Variants in FBXO38 observed in about 807,000 individuals in gnomAD.
FBXO38 encodes the protein F-box protein 38.
FBXO38 carries 53 observed loss-of-function variants against 131.9 expected under a neutral mutation model. The observed-to-expected ratio is 0.40, with a 90% CI of 0.32 to 0.51. The LOEUF (loss-of-function observed/expected upper bound fraction) is 0.51, where lower values mean the gene tolerates loss of function less well. Among genes scored for constraint, FBXO38 ranks in the 20% least tolerant of loss-of-function variants. FBXO38 has a pLI of 0.53. For missense variants in FBXO38, 1,076 were observed against 1,475.6 expected (o/e 0.73, Z 4.44); for synonymous variants, 452 against 505.6 (o/e 0.89, Z 1.42).
At position 148,393,188 on chromosome 5, in the gene FBXO38, G is replaced by GGGT. The variant is rs1420907423; in HGVS notation, c.-63-1525_-63-1524insGTG. Among the ~76,000 whole-genome samples the GGGT allele has an allele frequency of 4.6e-4, 59 of 127,082 alleles. 1 individual carries two copies. Among genetic ancestry groups the GGGT allele is most frequent in the African/African-American group, 1.8e-3 (59 of 32,840 alleles). 83.4% of individuals were successfully genotyped at this position (127,082 alleles called of 152,430 possible). On this transcript the variant is annotated intron_variant, in intron 1 of 21. Coordinates refer to ENST00000340253, the MANE Select transcript of FBXO38 (RefSeq NM_205836.3). ...TACTGGTTAGAAACAACAGAAGAGG[G>GGGT]GTGTGTGTGTGTGTGTGTGTGTGTG...
chr5:148,393,545 C>G (rs1166546898), intron 1 of FBXO38, among the ~76,000 whole-genome samples: 2 of 152,042 alleles, frequency 1.3e-5, no homozygotes, highest in Admixed American at 6.6e-5. Context: ...TGACTCAGGC[C>G]CCTTTGTTAT....
Position 148,409,205 on chromosome 5 carries a change from C to A in FBXO38, c.950C>A (p.Thr317Asn). The A allele has an allele frequency of 6.3e-7, 1 of 1,598,336 alleles. No individual in the cohort carries two copies. The highest frequency in any genetic ancestry group is 8.6e-7 in the Non-Finnish European group (1 of 1,165,720). ...LEVDLGYLII[T>N]AARRLHEVRI... ...GTAGATCTTGGTTACCTCATCATTA[C>A]TGCTGCCCGTAGGTATGTTTCCTCT... The change falls in exon 8 of 22, where the codon ACT becomes AAT. Residue 317 changes from threonine (T) to asparagine (N), a missense_variant. Physicochemically the swap from Thr to Asn is moderately conservative, Grantham distance 65. Coordinates refer to ENST00000340253, the MANE Select transcript of FBXO38 (RefSeq NM_205836.3).
chr5:148,391,920 A>G (rs1045232267), intron 1 of FBXO38, among the ~76,000 whole-genome samples: 9 of 152,090 alleles, frequency 5.9e-5, no homozygotes, highest in African/African-American at 2.2e-4. Flanking sequence ...TGTCTTTTTT[A>G]TCATACTTTT....
At chr5:148,433,296 T>C (rs190936288) in intron 15 of FBXO38, 128 bp from the exon 16 acceptor site, 121 of 648,206 alleles carry the variant, frequency 1.9e-4, no homozygotes, top group Non-Finnish European at 3.2e-4. Flanking sequence ...TGTAACTGTA[T>C]TCCACTGGGA....
In FBXO38 at chr5:148,404,790, G is replaced by A. The variant is rs1752346814; in HGVS notation, c.698G>A (p.Ser233Asn). The A allele has an allele frequency of 1.9e-6, 3 of 1,606,850 alleles. No individual in the cohort carries two copies. In the African/African-American group the frequency reaches 4.0e-5, roughly 22 times the overall value. Reference protein sequence around the residue: ...PQPFKDFLCISLRTFVMRNCA... With the variant: ...PQPFKDFLCINLRTFVMRNCA... ...CCATTTAAAGACTTCCTTTGTATCA[G>A]CTTAAGAACTTTCGTCATGAGGAAC... Residue 233 changes from serine to asparagine, a missense_variant, in exon 6 of 22, where the codon AGC becomes AAC. Around this residue, in one of 8 missense-constraint regions of FBXO38, gnomAD observed 66 missense variants for 72.4 expected, o/e 0.91. Transcript: ENST00000340253.
At position 148,399,112 on chromosome 5, in the gene FBXO38, G is replaced by A; in HGVS notation, c.242G>A (p.Trp81Ter). ...VRVVDLCAGR[W>*]WEYMPSGFTD... The stretch of plus-strand genomic sequence containing the variant: ...GTTGTAGATCTCTGTGCAGGGCGGT[G>A]GTGGGAATACATGCCAAGTGGTAAG... The change falls in exon 3 of 22, where the codon TGG becomes TAG. Residue 81 changes from tryptophan (W) to a stop codon, truncating the protein, a stop_gained. Transcript: ENST00000340253. LOFTEE classifies it high-confidence loss of function. The A allele has an allele frequency of 6.2e-7, 1 of 1,612,108 alleles. No individual in the cohort carries two copies.
rs1752604790 is a variant in FBXO38, at chr5:148,409,161, T to G, written c.906T>G (p.Ala302=). 1 of 1,613,402 alleles carries G rather than the reference T, an allele frequency of 6.2e-7. No homozygotes were observed. ...FRNLHTIVLG[A]CKNALEVDLG... ...ATTTGCACACTATTGTTCTGGGAGC[T>G]TGCAAAAATGCTCTTGAAGTAGATC... The change falls in exon 8 of 22, where the codon GCT becomes GCG. Residue 302 remains alanine (A), a synonymous_variant. Transcript: ENST00000340253.
At chr5:148,412,577 A>G (rs189323212) in intron 9 of FBXO38, among the ~76,000 whole-genome samples, 2 of 152,228 alleles carry the variant, frequency 1.3e-5, no homozygotes, top group East Asian at 1.9e-4. Context: ...ACTGATAGAG[A>G]CGTATAACTC....
chr5:148,436,967 T>C (rs1322803077), intron 17 of FBXO38, among the ~76,000 whole-genome samples: 2 of 152,244 alleles, frequency 1.3e-5, no homozygotes, highest in African/African-American at 4.8e-5. Context: ...GGAAGAACTT[T>C]CATTCTGTCA....
In FBXO38 at chr5:148,439,423, A is replaced by G. The variant is rs1265209619; in HGVS notation, c.3025-224A>G. ...ATTCTCTGGTTTAGTAGGCATTTAA[A>G]TATAACAGTGAGATATAAATTGCCA... On this transcript the variant is annotated intron_variant, in intron 18 of 21. Coordinates refer to ENST00000340253, the MANE Select transcript of FBXO38 (RefSeq NM_205836.3). Among the ~76,000 whole-genome samples the G allele has an allele frequency of 3.9e-5, 6 of 152,330 alleles. No homozygotes were observed. In the South Asian group the frequency reaches 6.2e-4, roughly 16 times the overall value.
chr5:148,427,170 A>G, intron 14 of FBXO38, 43 bp from the exon 15 acceptor site: 1 of 1,535,770 alleles, frequency 6.5e-7, no homozygotes, highest in Non-Finnish European at 8.7e-7. Context: ...TTATACTGAA[A>G]TCTTTTCTTT....
At chr5:148,407,247 A>G (rs1251596816) in intron 7 of FBXO38, among the ~76,000 whole-genome samples, 1 of 152,192 alleles carries the variant, frequency 6.6e-6, no homozygotes, top group Non-Finnish European at 1.5e-5. Context: ...GTCAAAAACG[A>G]AAAGAAGGCT....
At chr5:148,402,754 TAACTTC>T (rs1347681217) in intron 5 of FBXO38, among the ~76,000 whole-genome samples, 1 of 152,212 alleles carries the variant, frequency 6.6e-6, no homozygotes, top group Non-Finnish European at 1.5e-5. Context: ...TATATACCAG[TAACTTC>T]AACTTAAGTA....
At position 148,394,870 on chromosome 5, in the gene FBXO38, C is replaced by A; in HGVS notation, c.94C>A (p.Gln32Lys). The A allele has an allele frequency of 6.3e-7, 1 of 1,596,038 alleles. No homozygotes were observed. The highest frequency in any genetic ancestry group is 1.1e-5 in the South Asian group (1 of 88,088). ...AGATGAAACAAAGGACTATATGAAT[C>A]AACTTTCACATGAAGTACTTTGCCA... Reference protein sequence around the residue: ...TADETKDYMNQLSHEVLCHIF... With the variant: ...TADETKDYMNKLSHEVLCHIF... The change falls in exon 2 of 22, where the codon CAA (glutamine) becomes AAA (lysine). Residue 32 changes from glutamine to lysine, a missense_variant. By Grantham distance (53) the Gln-to-Lys change is moderately conservative. Transcript: ENST00000340253.
At chr5:148,386,496 T>A (rs1387768664) in intron 1 of FBXO38, among the ~76,000 whole-genome samples, 1 of 152,126 alleles carries the variant, frequency 6.6e-6, no homozygotes, top group Non-Finnish European at 1.5e-5. Flanking sequence ...GATGTGCCAC[T>A]TTCATCGTAT....
chr5:148,398,493 A>G (rs1265641027), intron 2 of FBXO38, among the ~76,000 whole-genome samples: 2 of 151,986 alleles, frequency 1.3e-5, no homozygotes, highest in Non-Finnish European at 2.9e-5. Context: ...ACTAGTATAC[A>G]TATTTGTTGA....
At chr5:148,439,837 A>T in intron 19 of FBXO38, 45 bp downstream of exon 19, 1 of 1,590,998 alleles carries the variant, frequency 6.3e-7, no homozygotes, top group East Asian at 2.2e-5. Flanking sequence ...GTCATTTCTC[A>T]TAGCAGGGAC....
intron 9 of FBXO38, among the ~76,000 whole-genome samples, chr5:148,412,991 T>C (rs1470066750): frequency 6.6e-6 from 1 of 152,040 alleles, no homozygotes; most frequent in Non-Finnish European, 1.5e-5. Context: ...AAGACATCGA[T>C]TTGTCATGTT....
chr5:148,416,646 G>A lies in FBXO38; in HGVS notation c.1408-348G>A, dbSNP rs199887551. On this transcript the variant is annotated intron_variant, in intron 11 of 21. Coordinates refer to ENST00000340253, the MANE Select transcript of FBXO38 (RefSeq NM_205836.3). ...TGTTCTCTCTTGTCAGTTATTAATGGTTACATTCCCACTGTTGAAGCAGTA... is the reference window on the plus strand; with the variant it reads ...TGTTCTCTCTTGTCAGTTATTAATGATTACATTCCCACTGTTGAAGCAGTA... The A allele has an allele frequency of 7.0e-5, 16 of 227,302 alleles. No homozygotes were observed. In the East Asian group the frequency reaches 1.5e-3, roughly 21 times the overall value. 14.1% of individuals were successfully genotyped at this position (227,302 alleles called of 1,614,324 possible).
Sources: allele counts gnomAD v4.1 joint callset (sites outside exome capture counted in the v4.1 genomes callset), GRCh38; gene constraint gnomAD v4.1.1; regional missense constraint gnomAD v4.1.1; transcripts MANE v1.5; gene names NCBI Gene and HGNC (gene_info 2026-07-23, HGNC 2026-07-21).